Variants in SARDH observed in about 807,000 individuals in gnomAD.
SARDH encodes the protein sarcosine dehydrogenase, mitochondrial.
SARDH carries 95 observed loss-of-function variants against 109.1 expected under a neutral mutation model. The ratio of observed to expected loss-of-function variants is 0.87; its 90% CI spans 0.74 to 1.03. SARDH has a LOEUF of 1.03. SARDH is among the 50% of genes least tolerant of loss of function. SARDH has a pLI of 0.00. For synonymous variants in SARDH, 572 were observed against 534.8 expected (o/e 1.07, Z -0.96); for missense variants, 1,267 against 1,287.8 (o/e 0.98, Z 0.25).
chr9:133,712,777 G>T lies in SARDH; in HGVS notation c.1238-68C>A. ...GTCCCCCACCCATGTCCAAACATGT[G>T]CCCCCATCTCCACGGACAGCACAGA... is the stretch of plus-strand genomic sequence containing the variant. On this transcript the variant is annotated intron_variant, in intron 9 of 20. Transcript: ENST00000439388. This position sits in a 1 kb window ranked among gnomAD's most constrained non-coding sequence, Gnocchi z 4.1. 2 of 1,444,894 alleles carry T rather than the reference G, an allele frequency of 1.4e-6. No homozygotes were observed. Among genetic ancestry groups the T allele is most frequent in the Non-Finnish European group, 1.9e-6 (2 of 1,043,784 alleles). 89.5% of individuals were successfully genotyped at this position (1,444,894 alleles called of 1,614,324 possible). A position where few individuals can be genotyped will look rare whatever the true frequency, so the allele number is the denominator to read the frequency against.
intron 17 of SARDH, among the ~76,000 whole-genome samples, chr9:133,684,890 A>G (rs1588399693): frequency 6.6e-6 from 1 of 152,192 alleles, no homozygotes; most frequent in East Asian, 1.9e-4. Context: ...AGGAGGGGAT[A>G]CAATAGGTGG....
At chr9:133,673,349 A>AGAGAGCTCACAAAAGGAATGGG (rs1830414444) in intron 17 of SARDH, among the ~76,000 whole-genome samples, 1 of 152,256 alleles carries the variant, frequency 6.6e-6, no homozygotes, top group Admixed American at 6.5e-5. Context: ...CCCTGGGACC[A>AGAGAGCTCACAAAAGGAATGGG]GAGAGCTCAC....
At chr9:133,734,348 T>TCATTCATTCATTCAC (rs1832794649) in intron 1 of SARDH, 145 bp from the exon 2 acceptor site, 4 of 380,822 alleles carry the variant, frequency 1.1e-5, no homozygotes, top group South Asian at 6.0e-5. Context: ...CATTCACTCA[T>TCATTCATTCATTCAC]TCATTCATTC....
chr9:133,729,421 A>T (rs1832597239), intron 6 of SARDH, among the ~76,000 whole-genome samples: 1 of 152,130 alleles, frequency 6.6e-6, no homozygotes, highest in South Asian at 2.1e-4. Context: ...GCATGCAAAC[A>T]TTCGGGTCTT....
At chr9:133,731,280 C>T (rs2131505490) in intron 4 of SARDH, 25 bp downstream of exon 4, 1 of 1,612,076 alleles carries the variant, frequency 6.2e-7, no homozygotes, top group Non-Finnish European at 8.5e-7. Flanking sequence ...GAACAGGGGA[C>T]CCAGAGCCAG....
chr9:133,695,761 C>T (rs1831263722), intron 14 of SARDH, among the ~76,000 whole-genome samples: 1 of 152,054 alleles, frequency 6.6e-6, no homozygotes, highest in African/African-American at 2.4e-5. Flanking sequence ...GACGAAAAGG[C>T]AGATGAAGAT....
Position 133,718,585 on chromosome 9 carries a change from C to G in SARDH, c.1020+353G>C. 1.3e-6 allele frequency: 1 copy of G among 756,994 alleles called. No individual in the cohort carries two copies. Among genetic ancestry groups the G allele is most frequent in the Non-Finnish European group, 2.4e-6 (1 of 409,610 alleles). The allele number at this position is 756,994 out of a possible 1,614,324, so 46.9% of individuals were successfully genotyped here. ...AAGCTGCCCGGGAAACAGCCCAGGC[C>G]AGGGGAAATGCCGCTGCAGCAGCTG... On this transcript the variant is annotated intron_variant, in intron 7 of 20. Transcript: ENST00000439388. This position sits in a 1 kb window ranked among gnomAD's most constrained non-coding sequence, Gnocchi z 4.2.
In SARDH at chr9:133,734,073, G is replaced by C. The variant is rs1479927820; in HGVS notation, c.101C>G (p.Pro34Arg). The part of the protein sequence containing the change: ...GPCNLSSAAG[P>R]TAEKSVPYQR... ...ATATGGCACACTCTTCTCGGCTGTG[G>C]GGCCAGCTGCGCTGGACAGGTTGCA... The change falls in exon 2 of 21, where the codon CCC (proline) becomes CGC (arginine). Residue 34 changes from proline to arginine, a missense_variant. Pro to Arg is a moderately radical substitution (Grantham distance 103, BLOSUM62 -2). Transcript: ENST00000439388. The C allele has an allele frequency of 1.1e-5, 18 of 1,613,104 alleles. No individual in the cohort carries two copies. The highest frequency in any genetic ancestry group is 1.4e-5 in the Non-Finnish European group (16 of 1,179,972).
chr9:133,703,102 CGCTGAG>C, intron 12 of SARDH, 73 bp from the exon 13 acceptor site: 1 of 1,349,870 alleles, frequency 7.4e-7, no homozygotes, highest in Non-Finnish European at 1.0e-6. Flanking sequence ...AGCGGGGTCC[CGCTGAG>C]GCTGTGATGG....
At chr9:133,730,247 C>T in intron 4 of SARDH, 60 bp from the exon 5 acceptor site, 1 of 1,591,870 alleles carries the variant, frequency 6.3e-7, no homozygotes, top group Non-Finnish European at 8.6e-7. Flanking sequence ...TGCTTCCCAC[C>T]CCACTCCAAC....
At position 133,694,307 on chromosome 9, in the gene SARDH, G is replaced by T. The variant is rs112883474; in HGVS notation, c.1872C>A (p.Ser624Arg). The change falls in exon 15 of 21, where the codon AGC (serine) becomes AGA (arginine). Residue 624 changes from serine to arginine, a missense_variant. By Grantham distance (110) the Ser-to-Arg change is moderately radical (BLOSUM62 -1). Coordinates refer to ENST00000439388, the MANE Select transcript of SARDH (RefSeq NM_001134707.2). ...AGGCCTGGTGGCTGGGTGCCAGGCG[G>T]CTGACAGTCAGGTCACTCTCGGTGC... ...RGGTESDLTV[S>R]RLAPSHQASP... 14 of 1,550,654 alleles carry T rather than the reference G, an allele frequency of 9.0e-6. No homozygotes were observed. Among genetic ancestry groups the T allele is most frequent in the Non-Finnish European group, 1.2e-5 (14 of 1,146,966 alleles).
chr9:133,663,247 C>T (rs1161771232), downstream of SARDH, among the ~76,000 whole-genome samples: 1 of 152,232 alleles, frequency 6.6e-6, no homozygotes, highest in Admixed American at 6.5e-5. Flanking sequence ...AGGCCCCGCC[C>T]GCTCCCTGCT....
At chr9:133,710,603 G>A (rs765675262) in intron 10 of SARDH, among the ~76,000 whole-genome samples, 7 of 152,272 alleles carry the variant, frequency 4.6e-5, no homozygotes, top group Non-Finnish European at 8.8e-5. Flanking sequence ...TTCTGGCGCC[G>A]ACGCTCTCTG....
chr9:133,664,684 C>T (rs377025993), intron 20 of SARDH, among the ~76,000 whole-genome samples: 6 of 152,176 alleles, frequency 3.9e-5, no homozygotes, highest in African/African-American at 9.7e-5. Flanking sequence ...GAGGGAGTCT[C>T]GGGCTCCGCT....
intron 8 of SARDH, among the ~76,000 whole-genome samples, chr9:133,716,134 T>C (rs1431062878): frequency 3.3e-5 from 5 of 152,212 alleles, no homozygotes; most frequent in Non-Finnish European, 7.4e-5. Flanking sequence ...CGGGCTAGGC[T>C]GCCCCTCCTC....
rs963064617 is a variant in SARDH, at chr9:133,666,657, G to A, written c.2631+78C>T. The A allele has an allele frequency of 3.9e-6, 6 of 1,533,090 alleles. No homozygotes were observed. Among genetic ancestry groups the A allele is most frequent in the Middle Eastern group, 1.7e-4 (1 of 5,942 alleles). The allele number at this position is 1,533,090 out of a possible 1,614,324, so 95.0% of individuals were successfully genotyped here. On this transcript the variant is annotated intron_variant, in intron 20 of 20. Transcript: ENST00000439388. The surrounding 1 kb of genome is among the most constrained non-coding windows in gnomAD (Gnocchi z 5.2). ...CTCCTCCCTATGCCCGGCACACTCA[G>A]GGTGCAGTGCAGGGAGCTGGTTTGG...
intron 11 of SARDH, among the ~76,000 whole-genome samples, chr9:133,706,008 T>TG (rs1009143059): frequency 5.9e-5 from 9 of 152,160 alleles, no homozygotes; most frequent in African/African-American, 2.2e-4. Context: ...TCCAGAAATG[T>TG]GGGGAAAAAA....
In SARDH at chr9:133,731,392, C is replaced by T. The variant is rs1385807886; in HGVS notation, c.603G>A (p.Gly201=). ...TACCGTCGTGCGGCACATACAGGGT[C>T]CCGTAGAGGTCGTCCACATTCATCA... is the stretch of plus-strand genomic sequence containing the variant. The part of the protein sequence containing the change: ...YPLMNVDDLY[G]TLYVPHDGTM... The change falls in exon 4 of 21, where the codon GGG becomes GGA. Residue 201 remains glycine, a synonymous_variant. Transcript: ENST00000439388. 6.2e-7 allele frequency: 1 copy of T among 1,614,176 alleles called. No individual in the cohort carries two copies. Among genetic ancestry groups the T allele is most frequent in the Admixed American group, 1.7e-5 (1 of 60,030 alleles).
chr9:133,688,472 C>A (rs1830968116), intron 16 of SARDH, among the ~76,000 whole-genome samples: 1 of 152,196 alleles, frequency 6.6e-6, no homozygotes. Context: ...CCTGGCATCC[C>A]TGCCTCGCCT....
Sources: gnomAD v4.1 joint callset for allele counts (sites outside exome capture counted in the v4.1 genomes callset) on GRCh38, gnomAD v4.1.1 for gene constraint, Gnocchi (gnomAD v3.1) non-coding constraint, MANE v1.5 for transcripts, NCBI Gene and HGNC (gene_info 2026-07-23, HGNC 2026-07-21) for gene names.